Variants in PTPRD observed in about 807,000 individuals in gnomAD.
The protein encoded by PTPRD is protein tyrosine phosphatase receptor type D, also known as receptor-type tyrosine-protein phosphatase delta.
A neutral mutation model predicts 214.5 loss-of-function variants in PTPRD; 34 were observed. That is an observed-to-expected ratio of 0.16 (90% CI 0.12 to 0.21). The LOEUF is 0.21. Among genes scored for constraint, PTPRD ranks in the 10% least tolerant of loss-of-function variants. The pLI, the probability that PTPRD is intolerant of heterozygous loss-of-function variation, is 1.00. For synonymous variants in PTPRD, 1,128 were observed against 845.7 expected (o/e 1.33, Z -5.79); for missense variants, 2,545 against 2,398.7 (o/e 1.06, Z -1.27).
rs182540397 is a variant in PTPRD, at chr9:8,527,817, G to C, written c.542-464C>G. Among the ~76,000 whole-genome samples, 369 of 152,200 alleles carry C rather than the reference G, an allele frequency of 2.4e-3. 1 individual carries two copies. The highest frequency in any genetic ancestry group is 3.5e-3 in the Non-Finnish European group (240 of 68,006). ...AAAGGGTAAAGAGAGAGAGAAAACAGCAAAAGCTGGAGTCTACACCAAAAG... is the reference window on the plus strand; with the variant it reads ...AAAGGGTAAAGAGAGAGAGAAAACACCAAAAGCTGGAGTCTACACCAAAAG... On this transcript the variant is annotated intron_variant, in intron 15 of 45. Transcript: ENST00000381196.
intron 7 of PTPRD, among the ~76,000 whole-genome samples, chr9:9,711,579 T>A (rs928041990): frequency 6.6e-6 from 1 of 152,182 alleles, no homozygotes; most frequent in Non-Finnish European, 1.5e-5. Context: ...GTATACTATT[T>A]CTATTGGAGC....
At position 8,370,808 on chromosome 9, in the gene PTPRD, G is replaced by C. The variant is rs573882048; in HGVS notation, c.4661+5128C>G. On this transcript the variant is annotated intron_variant, in intron 39 of 45. Transcript: ENST00000381196. ...GTCTGGAGAATCTGCCTGATTTATA[G>C]GGCCATGCAACATGGGGAACATAAT... 7.2e-5 allele frequency among the ~76,000 whole-genome samples: 11 copies of C among 152,168 alleles called. No homozygotes were observed. The South Asian group carries it at 2.3e-3, about 32-fold the overall frequency.
At chr9:8,696,874 A>C (rs930044815) in intron 12 of PTPRD, among the ~76,000 whole-genome samples, 2 of 152,224 alleles carry the variant, frequency 1.3e-5, no homozygotes, top group African/African-American at 4.8e-5. Context: ...TTCCTGCCAG[A>C]ATTGTCGACA....
At chr9:9,867,598 T>G (rs2064305207) in intron 5 of PTPRD, among the ~76,000 whole-genome samples, 1 of 152,000 alleles carries the variant, frequency 6.6e-6, no homozygotes, top group South Asian at 2.1e-4. Context: ...GAATAAAAAA[T>G]AAAAAGCTCT....
At chr9:9,099,640 G>T (rs1298667687) in intron 10 of PTPRD, among the ~76,000 whole-genome samples, 1 of 152,104 alleles carries the variant, frequency 6.6e-6, no homozygotes, top group Non-Finnish European at 1.5e-5. Flanking sequence ...TTCTACAATT[G>T]TAATTATGTT....
At chr9:8,763,549 A>T (rs2094532320) in intron 11 of PTPRD, among the ~76,000 whole-genome samples, 1 of 151,552 alleles carries the variant, frequency 6.6e-6, no homozygotes, top group African/African-American at 2.4e-5. Flanking sequence ...TTAATATAAC[A>T]TATATACATT....
At chr9:9,275,154 T>G (rs1333603594) in intron 9 of PTPRD, among the ~76,000 whole-genome samples, 1 of 57,766 alleles carries the variant, frequency 1.7e-5, no homozygotes, top group African/African-American at 8.8e-5. Context: ...TATAATATAT[T>G]ATATATATAA....
At chr9:9,285,081 T>C (rs969413965) in intron 9 of PTPRD, among the ~76,000 whole-genome samples, 1 of 151,800 alleles carries the variant, frequency 6.6e-6, no homozygotes, top group Non-Finnish European at 1.5e-5. Flanking sequence ...CCACCTAGTA[T>C]GTAATATAAA....
intron 9 of PTPRD, among the ~76,000 whole-genome samples, chr9:9,328,326 T>A (rs1191910394): frequency 6.6e-6 from 1 of 152,164 alleles, no homozygotes; most frequent in African/African-American, 2.4e-5. Context: ...GTATGTGGTA[T>A]GTCACTTACA....
At chr9:8,641,397 T>C (rs772753858) in intron 12 of PTPRD, among the ~76,000 whole-genome samples, 1 of 148,542 alleles carries the variant, frequency 6.7e-6, no homozygotes, top group South Asian at 2.1e-4. Context: ...CTTCCATTAC[T>C]GCTGTAGCTA....
At chr9:10,158,116 C>A (rs528029274) in intron 3 of PTPRD, among the ~76,000 whole-genome samples, 1 of 152,180 alleles carries the variant, frequency 6.6e-6, no homozygotes, top group African/African-American at 2.4e-5. Context: ...TCAAACAATT[C>A]TTCTGTCTCA....
chr9:9,091,016 T>A, intron 10 of PTPRD: 2 of 1,570,710 alleles, frequency 1.3e-6, no homozygotes, highest in Non-Finnish European at 1.7e-6. Context: ...AAGAAATTCG[T>A]CATTCGAAAC....
At chr9:9,835,115 C>A (rs976370436) in intron 5 of PTPRD, among the ~76,000 whole-genome samples, 1 of 152,010 alleles carries the variant, frequency 6.6e-6, no homozygotes, top group Non-Finnish European at 1.5e-5. Context: ...AGTACCAAAG[C>A]AGCAAGGATT....
intron 7 of PTPRD, among the ~76,000 whole-genome samples, chr9:9,722,554 T>A (rs1306584366): frequency 5.9e-5 from 9 of 152,096 alleles, no homozygotes; most frequent in Non-Finnish European, 1.5e-5. Context: ...TATATAGACA[T>A]ATATTTTCAT....
chr9:9,890,102 T>G (rs2072709876), intron 5 of PTPRD, among the ~76,000 whole-genome samples: 2 of 152,114 alleles, frequency 1.3e-5, no homozygotes, highest in South Asian at 4.1e-4. Context: ...TATGTTAGCC[T>G]TAAAAGTAGT....
At chr9:9,160,620 G>C (rs1262333877) in intron 10 of PTPRD, among the ~76,000 whole-genome samples, 1 of 152,118 alleles carries the variant, frequency 6.6e-6, no homozygotes, top group African/African-American at 2.4e-5. Flanking sequence ...AAATGGCATG[G>C]AGATTCCTCA....
In PTPRD at chr9:9,185,453, GTC is replaced by G. The variant is rs1285320324; in HGVS notation, c.-202-2092_-202-2091del. Among the ~76,000 whole-genome samples, 5 of 151,996 alleles carry G rather than the reference GTC, an allele frequency of 3.3e-5. No individual in the cohort carries two copies. In the South Asian group the frequency reaches 8.3e-4, roughly 25 times the overall value. ...GTCTCTCCAAAAGTCTCACCCATCTGTCTCTCTTTACTATTGTCCACTTGCTG... is the reference window on the plus strand; with the variant it reads ...GTCTCTCCAAAAGTCTCACCCATCTGTCTCTTTACTATTGTCCACTTGCTG... On this transcript the variant is annotated intron_variant, in intron 9 of 45. Coordinates refer to ENST00000381196, the MANE Select transcript of PTPRD (RefSeq NM_002839.4).
intron 3 of PTPRD, among the ~76,000 whole-genome samples, chr9:10,111,931 T>C (rs1368701467): frequency 2.0e-5 from 3 of 152,224 alleles, no homozygotes; most frequent in Non-Finnish European, 2.9e-5. Context: ...TATTTTTCTT[T>C]ATTTCTATCA....
At chr9:10,153,893 G>A (rs754228827) in intron 3 of PTPRD, among the ~76,000 whole-genome samples, 5 of 152,094 alleles carry the variant, frequency 3.3e-5, no homozygotes, top group Non-Finnish European at 5.9e-5. Context: ...CCATTGATGG[G>A]CATGTAAGTT....
Sources: allele counts gnomAD v4.1 joint callset (sites outside exome capture counted in the v4.1 genomes callset), GRCh38; gene constraint gnomAD v4.1.1; transcripts MANE v1.5; gene names NCBI Gene and HGNC (gene_info 2026-07-23, HGNC 2026-07-21).